RAP1GAP2: variants seen among roughly 807,000 people sequenced by gnomAD.
The protein encoded by RAP1GAP2 is rap1 GTPase-activating protein 2.
RAP1GAP2 carries 27 observed loss-of-function variants against 95.0 expected under a neutral mutation model. The observed-to-expected ratio is 0.28, with a 90% confidence interval of 0.21 to 0.39. The LOEUF is 0.39. RAP1GAP2 is among the 10% of genes least tolerant of loss of function. The probability of loss-of-function intolerance (pLI) is 1.00; values close to 1 mark genes in which losing one functional copy is unlikely to be tolerated. For missense variants in RAP1GAP2, 771 were observed against 970.0 expected (o/e 0.79, Z 2.72); for synonymous variants, 373 against 380.9 (o/e 0.98, Z 0.24).
chr17:2,832,541 G>T (rs1209843360), intron 2 of RAP1GAP2, among the ~76,000 whole-genome samples: 1 of 132,048 alleles, frequency 7.6e-6, no homozygotes, highest in Non-Finnish European at 1.6e-5. Flanking sequence ...CTGGGCGACA[G>T]AGCGAGACTC....
In RAP1GAP2 at chr17:2,783,012, G is replaced by A. The variant is rs758968963; in HGVS notation, c.-14+5734G>A. ...AGCCTGGGTGACAGAGTAAGACTCC[G>A]TCTCAAAACAAACAAACCATCCCCA... On this transcript the variant is annotated intron_variant, in intron 1 of 24. Coordinates refer to the RAP1GAP2 transcript ENST00000540393. 3.5e-4 allele frequency among the ~76,000 whole-genome samples: 54 copies of A among 152,236 alleles called. 1 individual carries two copies. The Middle Eastern group carries it at 0.014, about 38-fold the overall frequency.
At chr17:2,854,232 C>T in intron 2 of RAP1GAP2, 10 of 842,750 alleles carry the variant, frequency 1.2e-5, no homozygotes, top group African/African-American at 1.8e-5. Flanking sequence ...CAGGTACCGT[C>T]GTGCGAACCG....
chr17:3,017,931 G>GTT, intron 17 of RAP1GAP2, 130 bp from the exon 18 acceptor site: 2 of 788,424 alleles, frequency 2.5e-6, no homozygotes, highest in Non-Finnish European at 1.9e-6. Flanking sequence ...GTGTGTGTGT[G>GTT]TGTGTGTGTG....
At chr17:2,983,360 G>C (rs539914190) in intron 10 of RAP1GAP2, among the ~76,000 whole-genome samples, 3 of 151,980 alleles carry the variant, frequency 2.0e-5, no homozygotes, top group Non-Finnish European at 4.4e-5. Flanking sequence ...GTGCCTTTTT[G>C]GGCTCTTTGG....
intron 3 of RAP1GAP2, among the ~76,000 whole-genome samples, chr17:2,956,775 A>G (rs1249956227): frequency 1.3e-5 from 2 of 152,048 alleles, no homozygotes; most frequent in Admixed American, 6.5e-5. Flanking sequence ...TTTCCTGGAT[A>G]CACAAGGGTG....
intron 3 of RAP1GAP2, among the ~76,000 whole-genome samples, chr17:2,921,498 C>T (rs370390124): frequency 1.4e-4 from 21 of 152,298 alleles, no homozygotes; most frequent in African/African-American, 4.1e-4. Flanking sequence ...CTACCATGAC[C>T]GGCCAGGAAT....
In RAP1GAP2 at chr17:2,796,498, G is replaced by T. The variant is rs111260927; in HGVS notation, c.-30G>T. On this transcript the variant is annotated 5_prime_UTR_variant, in exon 1 of 25. Coordinates refer to ENST00000254695, the MANE Select transcript of RAP1GAP2 (RefSeq NM_015085.5). This position sits in a 1 kb window ranked among gnomAD's most constrained non-coding sequence, Gnocchi z 4.7. ...GCCCCGGGGACGTCGTTGGGACATC[G>T]CTGGGACCCCGGGCTCTGCAGCCAC... The T allele has an allele frequency of 3.5e-5, 55 of 1,553,096 alleles. No individual in the cohort carries two copies. In the Admixed American group the frequency reaches 4.5e-4, roughly 13 times the overall value.
rs2072644288 is a variant in RAP1GAP2, at chr17:2,867,069, T to C, written c.81-38215T>C. Among the ~76,000 whole-genome samples, 1 of 151,770 alleles carries C rather than the reference T, an allele frequency of 6.6e-6. No homozygotes were observed. Among genetic ancestry groups the C allele is most frequent in the African/African-American group, 2.4e-5 (1 of 41,274 alleles). On this transcript the variant is annotated intron_variant, in intron 2 of 24. Coordinates refer to ENST00000254695, the MANE Select transcript of RAP1GAP2 (RefSeq NM_015085.5). This position sits in a 1 kb window ranked among gnomAD's most constrained non-coding sequence, Gnocchi z 4.5. ...GTGCCCACTGTCATGTCTAGCTAATTTTTGTATTTGTAGTAGAGACGGGGT... is the reference window on the plus strand; with the variant it reads ...GTGCCCACTGTCATGTCTAGCTAATCTTTGTATTTGTAGTAGAGACGGGGT...
intron 2 of RAP1GAP2, among the ~76,000 whole-genome samples, chr17:2,810,764 C>T (rs893778176): frequency 1.4e-4 from 21 of 152,000 alleles, no homozygotes; most frequent in Admixed American, 5.2e-4. Flanking sequence ...CTCCTGACCT[C>T]GTGATCCGCC....
intron 2 of RAP1GAP2, chr17:2,853,982 C>T (rs1041565670): frequency 2.3e-5 from 23 of 984,204 alleles, no homozygotes; most frequent in Non-Finnish European, 8.4e-6. Context: ...TCGGGCACCG[C>T]GGGCGGCCTC....
intron 3 of RAP1GAP2, among the ~76,000 whole-genome samples, chr17:2,913,932 G>A (rs1011237690): frequency 6.6e-6 from 1 of 151,440 alleles, no homozygotes; most frequent in African/African-American, 2.4e-5. Context: ...GAGCAGTGAC[G>A]CAATCTCTGC....
rs547677434 is a variant in RAP1GAP2, at chr17:2,786,113, C to T, written c.-14+8835C>T. 6.6e-5 allele frequency among the ~76,000 whole-genome samples: 10 copies of T among 152,232 alleles called. No individual in the cohort carries two copies. The Middle Eastern group carries it at 0.01, about 155-fold the overall frequency. ...ACGGGGTTTCACCATGTTGGCCAGG[C>T]TGATCTCGAACTCCTGACCTCAGGT... On this transcript the variant is annotated intron_variant, in intron 1 of 24. Coordinates refer to the RAP1GAP2 transcript ENST00000540393.
intron 2 of RAP1GAP2, among the ~76,000 whole-genome samples, chr17:2,836,603 G>A (rs59452035): frequency 0.028 from 4,249 of 152,106 alleles, 192 homozygotes; most frequent in African/African-American, 0.096. Context: ...CTGCACTCCA[G>A]CCTGGGTGAT....
chr17:3,024,279 C>A (rs892055161), intron 19 of RAP1GAP2, among the ~76,000 whole-genome samples: 2 of 152,082 alleles, frequency 1.3e-5, no homozygotes, highest in African/African-American at 4.8e-5. Flanking sequence ...AGAAGTCCAG[C>A]AAAGTGAGCC....
chr17:2,828,307 C>G lies in RAP1GAP2; in HGVS notation c.80+27757C>G, dbSNP rs943237542. On this transcript the variant is annotated intron_variant, in intron 2 of 24. Transcript: ENST00000254695. ...AGTGAGCCGAGATCGCGCCATTGCA[C>G]TCCAACCTGGGCGACAGTGAGACTC... is the stretch of plus-strand genomic sequence containing the variant. 2.0e-5 allele frequency among the ~76,000 whole-genome samples: 3 copies of G among 151,580 alleles called. No homozygotes were observed. In the Admixed American group the frequency reaches 2.0e-4, roughly 10 times the overall value.
chr17:2,858,948 A>T (rs980373644), intron 2 of RAP1GAP2, among the ~76,000 whole-genome samples: 49 of 152,058 alleles, frequency 3.2e-4, no homozygotes, highest in African/African-American at 1.1e-3. Context: ...TACCGTTATT[A>T]TACCCTCTAA....
rs2046282921 is a variant in RAP1GAP2 at position 3,004,807 on chromosome 17, C to T, written c.1201-562C>T. Among the ~76,000 whole-genome samples, 1 of 152,246 alleles carries T rather than the reference C, an allele frequency of 6.6e-6. No individual in the cohort carries two copies. Among genetic ancestry groups the T allele is most frequent in the Admixed American group, 6.5e-5 (1 of 15,284 alleles). ...CAGGTTTAGGCCAGAGCCCATGAAC[C>T]CAGTCTGTATTTTTAAACACCTGAA... On this transcript the variant is annotated intron_variant, in intron 14 of 24. Coordinates refer to ENST00000254695, the MANE Select transcript of RAP1GAP2 (RefSeq NM_015085.5). This position sits in a 1 kb window ranked among gnomAD's most constrained non-coding sequence, Gnocchi z 4.1.
intron 11 of RAP1GAP2, among the ~76,000 whole-genome samples, chr17:2,986,342 T>G (rs898952971): frequency 1.7e-4 from 26 of 152,206 alleles, no homozygotes; most frequent in African/African-American, 5.3e-4. Context: ...ATTTTTATTT[T>G]ATACAGCTTT....
intron 13 of RAP1GAP2, among the ~76,000 whole-genome samples, chr17:2,996,861 A>C (rs151322064): frequency 1.6e-3 from 244 of 152,348 alleles, no homozygotes; most frequent in Non-Finnish European, 2.8e-3. Context: ...ACAGGTGCTC[A>C]GTGAATGAGA....
Sources: allele counts gnomAD v4.1 joint callset (sites outside exome capture counted in the v4.1 genomes callset), GRCh38; gene constraint gnomAD v4.1.1; non-coding constraint Gnocchi (gnomAD v3.1); transcripts MANE v1.5; gene names NCBI Gene and HGNC (gene_info 2026-07-23, HGNC 2026-07-21).